PID1: variants seen among roughly 807,000 people sequenced by gnomAD.
PID1 encodes the protein PTB-containing, cubilin and LRP1-interacting protein.
In PID1, 10 loss-of-function variants were observed where a neutral mutation model predicts 19.1. That is an observed-to-expected ratio of 0.52 (90% CI 0.32 to 0.89). The LOEUF is 0.89. PID1 is among the 40% of genes least tolerant of loss of function. The pLI is 0.03. For synonymous variants in PID1, 130 were observed against 116.0 expected (o/e 1.12, Z -0.78); for missense variants, 248 against 285.3 (o/e 0.87, Z 0.94).
chr2:229,119,095 C>A (rs1318904739), intron 2 of PID1, among the ~76,000 whole-genome samples: 1 of 152,186 alleles, frequency 6.6e-6, no homozygotes, highest in Non-Finnish European at 1.5e-5. Flanking sequence ...CTAAAGAATG[C>A]CATTGGCCAG....
rs113567785 is a variant in PID1, at chr2:229,172,410, C to T, written c.31-16446G>A. Among the ~76,000 whole-genome samples, 920 of 152,282 alleles carry T rather than the reference C, an allele frequency of 6.0e-3. 11 individuals carry two copies. Among genetic ancestry groups the T allele is most frequent in the African/African-American group, 0.021 (874 of 41,562 alleles). ...TCCAACAGTGCCATGCTCTTTTTGACGGCTCCAGGAGAGGCTGCTTCTTTG... is the reference window on the plus strand; with the variant it reads ...TCCAACAGTGCCATGCTCTTTTTGATGGCTCCAGGAGAGGCTGCTTCTTTG... On this transcript the variant is annotated intron_variant, in intron 1 of 2. Coordinates refer to ENST00000392055, the MANE Select transcript of PID1 (RefSeq NM_001100818.2).
intron 1 of PID1, among the ~76,000 whole-genome samples, chr2:229,238,421 A>G (rs986134779): frequency 1.3e-5 from 2 of 152,218 alleles, no homozygotes; most frequent in East Asian, 3.8e-4. Flanking sequence ...TGGTCAGTGA[A>G]TTCACTACTT....
intron 1 of PID1, among the ~76,000 whole-genome samples, chr2:229,225,727 C>A (rs1473427294): frequency 6.6e-6 from 1 of 152,158 alleles, no homozygotes; most frequent in Non-Finnish European, 1.5e-5. Context: ...AGGAAACTTA[C>A]AATCATGGTG....
intron 2 of PID1, among the ~76,000 whole-genome samples, chr2:229,155,062 T>C (rs1014044050): frequency 2.0e-5 from 3 of 152,344 alleles, no homozygotes; most frequent in African/African-American, 7.2e-5. Flanking sequence ...AAGCAAAAAC[T>C]GCAAAATTAT....
At chr2:229,151,779 C>T (rs1463877647) in intron 2 of PID1, among the ~76,000 whole-genome samples, 1 of 152,078 alleles carries the variant, frequency 6.6e-6, no homozygotes, top group African/African-American at 2.4e-5. Flanking sequence ...AACGTGTTAG[C>T]CAGGATGGTC....
intron 1 of PID1, among the ~76,000 whole-genome samples, chr2:229,157,155 A>G (rs1190819957): frequency 2.0e-5 from 3 of 152,164 alleles, no homozygotes; most frequent in African/African-American, 7.2e-5. Context: ...ACTTGGTTCA[A>G]TGCCTTTGGT....
At chr2:229,229,253 T>A (rs1220269720) in intron 1 of PID1, among the ~76,000 whole-genome samples, 1 of 152,216 alleles carries the variant, frequency 6.6e-6, no homozygotes, top group Non-Finnish European at 1.5e-5. Context: ...TCTCTCAGAA[T>A]GTTGCCAGCA....
intron 1 of PID1, among the ~76,000 whole-genome samples, chr2:229,270,543 T>G (rs1465514467): frequency 6.7e-6 from 1 of 150,372 alleles, no homozygotes; most frequent in East Asian, 2.0e-4. Flanking sequence ...ATAAAATAAG[T>G]AGCATACCAT....
intron 2 of PID1, among the ~76,000 whole-genome samples, chr2:229,146,243 C>T (rs2106185978): frequency 6.6e-6 from 1 of 152,210 alleles, no homozygotes; most frequent in South Asian, 2.1e-4. Context: ...AACCAAACAC[C>T]ATTTGTTCTC....
intron 1 of PID1, among the ~76,000 whole-genome samples, chr2:229,267,170 C>T (rs935961047): frequency 6.6e-6 from 1 of 152,234 alleles, no homozygotes; most frequent in Non-Finnish European, 1.5e-5. Context: ...ACTTCATCAA[C>T]CAAAAGTTTC....
At chr2:229,189,780 G>A (rs1389114933) in intron 1 of PID1, among the ~76,000 whole-genome samples, 1 of 152,138 alleles carries the variant, frequency 6.6e-6, no homozygotes, top group Non-Finnish European at 1.5e-5. Flanking sequence ...GGGCAGGCAA[G>A]GGCGGGGCAG....
chr2:229,083,171 T>C (rs961918002), intron 2 of PID1, among the ~76,000 whole-genome samples: 3 of 152,204 alleles, frequency 2.0e-5, no homozygotes, highest in African/African-American at 7.2e-5. Flanking sequence ...CCCATTTCTT[T>C]CCATGGCCCA....
intron 2 of PID1, among the ~76,000 whole-genome samples, chr2:229,039,624 T>C (rs1693727417): frequency 6.6e-6 from 1 of 152,214 alleles, no homozygotes. Flanking sequence ...GATTATCTCT[T>C]AACTGACGGA....
chr2:229,041,663 T>C (rs1324538232), intron 2 of PID1, among the ~76,000 whole-genome samples: 11 of 152,148 alleles, frequency 7.2e-5, no homozygotes, highest in Non-Finnish European at 1.3e-4. Context: ...TATTTACAAA[T>C]GGAGAGCAAT....
chr2:229,040,962 T>C (rs1295115734), intron 2 of PID1, among the ~76,000 whole-genome samples: 4 of 152,182 alleles, frequency 2.6e-5, no homozygotes, highest in Non-Finnish European at 5.9e-5. Flanking sequence ...CCTGGGACAT[T>C]AGAGTGGAAC....
intron 2 of PID1, among the ~76,000 whole-genome samples, chr2:229,060,045 G>A (rs1387068889): frequency 6.6e-6 from 1 of 152,016 alleles, no homozygotes; most frequent in African/African-American, 2.4e-5. Flanking sequence ...GCACAATGAT[G>A]TTATGATATA....
intron 2 of PID1, among the ~76,000 whole-genome samples, chr2:229,078,249 T>C (rs886229290): frequency 2.6e-5 from 4 of 152,228 alleles, no homozygotes; most frequent in Admixed American, 6.5e-5. Flanking sequence ...ATTGATGTGG[T>C]ATACTGAGGC....
At chr2:229,134,475 C>A (rs1689817967) in intron 2 of PID1, among the ~76,000 whole-genome samples, 1 of 151,834 alleles carries the variant, frequency 6.6e-6, no homozygotes, top group Non-Finnish European at 1.5e-5. Context: ...AACTCCTGAC[C>A]TCATGATCCG....
chr2:229,262,399 G>A (rs756851541), intron 1 of PID1, among the ~76,000 whole-genome samples: 16 of 152,022 alleles, frequency 1.1e-4, no homozygotes, highest in Non-Finnish European at 2.1e-4. Flanking sequence ...TCCACCAGAA[G>A]GAAATAAAGG....
Sources: allele counts gnomAD v4.1 joint callset (sites outside exome capture counted in the v4.1 genomes callset), GRCh38; gene constraint gnomAD v4.1.1; transcripts MANE v1.5; gene names NCBI Gene and HGNC (gene_info 2026-07-23, HGNC 2026-07-21).